PAQR5: variants seen among roughly 807,000 people sequenced by gnomAD.
PAQR5 encodes the protein membrane progestin receptor gamma.
Under a neutral mutation model 34.5 loss-of-function variants are expected in PAQR5, and 20 were observed. That is an observed-to-expected ratio of 0.58 (90% confidence interval 0.41 to 0.84). PAQR5 has a LOEUF of 0.84. PAQR5 is among the 40% of genes least tolerant of loss of function. The pLI is 0.00. For synonymous variants in PAQR5, 131 were observed against 155.6 expected, an observed-to-expected ratio of 0.84 and a Z score of 1.18; for missense variants, 378 against 412.7, an observed-to-expected ratio of 0.92 and a Z score of 0.73.
At chr15:69,346,326 G>A (rs146549608) in intron 2 of PAQR5, among the ~76,000 whole-genome samples, 328 of 19,000 alleles carry the variant, frequency 0.017, 5 homozygotes, top group African/African-American at 0.049. Context: ...TTTTTTTTGC[G>A]ACAGGGTCTC....
At chr15:69,402,371 G>T (rs2140276139) in intron 8 of PAQR5, among the ~76,000 whole-genome samples, 1 of 151,288 alleles carries the variant, frequency 6.6e-6, no homozygotes, top group Middle Eastern at 3.4e-3. Context: ...AGGCTGGAGT[G>T]CAGTGGCATG....
intron 2 of PAQR5, among the ~76,000 whole-genome samples, chr15:69,358,632 C>CTTTTTTTTTTTT (rs1567019143): frequency 2.1e-3 from 14 of 6,562 alleles, no homozygotes; most frequent in African/African-American, 5.6e-3. Context: ...AGCTCTGTGG[C>CTTTTTTTTTTTT]ATTTTTTTTT....
rs557125998 is a variant in PAQR5, at chr15:69,310,003, G to A, written c.-277+10947G>A. Reference sequence around the variant, plus strand: ...GTGGAGGTCACAGTGAGCTGAGATCGCTCCACTGCACTCCAGCCTGGGTGA... The same window carrying A: ...GTGGAGGTCACAGTGAGCTGAGATCACTCCACTGCACTCCAGCCTGGGTGA... On this transcript the variant is annotated intron_variant, in intron 1 of 8. Coordinates refer to ENST00000395407, the MANE Select transcript of PAQR5 (RefSeq NM_017705.4). 1.1e-3 allele frequency among the ~76,000 whole-genome samples: 161 copies of A among 151,776 alleles called. 5 individuals carry two copies. The South Asian group carries it at 0.03, about 28-fold the overall frequency.
intron 6 of PAQR5, among the ~76,000 whole-genome samples, chr15:69,394,113 TTTTTTG>T (rs1469634373): frequency 8.6e-5 from 13 of 151,162 alleles, no homozygotes; most frequent in African/African-American, 3.2e-4. Flanking sequence ...TTTTTTTTTG[TTTTTTG>T]TTTTTTTTTT....
At chr15:69,314,302 C>G (rs11631499) in intron 1 of PAQR5, 71,665 of 152,022 alleles carry the variant, frequency 0.47, 20,436 homozygotes, top group Middle Eastern at 0.63. Flanking sequence ...GCCCAGCTGC[C>G]CTTCTCCCTC....
At position 69,363,997 on chromosome 15, in the gene PAQR5, G is replaced by C. The variant is rs970890509; in HGVS notation, c.51+3866G>C. 3.3e-5 allele frequency among the ~76,000 whole-genome samples: 5 copies of C among 152,230 alleles called. No homozygotes were observed. In the East Asian group the frequency reaches 9.6e-4, roughly 29 times the overall value. On this transcript the variant is annotated intron_variant, in intron 3 of 8. Transcript: ENST00000395407. The stretch of plus-strand genomic sequence containing the variant: ...CTACACAGAGAGGAAAAGCAACGCC[G>C]TTTCCAGACTTGCACTGCAGCTCTG...
At chr15:69,394,559 CTT>C (rs1428515193) in intron 6 of PAQR5, among the ~76,000 whole-genome samples, 4 of 152,220 alleles carry the variant, frequency 2.6e-5, no homozygotes, top group Admixed American at 6.5e-5. Flanking sequence ...ATCCTTCCAG[CTT>C]TTTTGTCAGA....
intron 7 of PAQR5, 39 bp downstream of exon 7, chr15:69,397,603 C>A: frequency 7.6e-7 from 1 of 1,309,562 alleles, no homozygotes; most frequent in Non-Finnish European, 1.1e-6. Context: ...CTGTTGGCAA[C>A]ACCAGGAAGT....
intron 1 of PAQR5, among the ~76,000 whole-genome samples, 159 bp downstream of exon 1, chr15:69,299,215 G>A (rs949709943): frequency 1.3e-5 from 2 of 152,184 alleles, no homozygotes; most frequent in Non-Finnish European, 2.9e-5. Flanking sequence ...GTGCCGGGGC[G>A]GCCCTGATCC....
intron 3 of PAQR5, among the ~76,000 whole-genome samples, chr15:69,364,551 T>TATACATTATATATGTA (rs1288635889): frequency 6.7e-6 from 1 of 148,456 alleles, no homozygotes. Context: ...ATGTTATATA[T>TATACATTATATATGTA]ATATAACGAG....
intron 5 of PAQR5, among the ~76,000 whole-genome samples, chr15:69,388,943 C>T (rs1446505699): frequency 6.6e-6 from 1 of 152,230 alleles, no homozygotes; most frequent in Admixed American, 6.5e-5. Context: ...CACCTGGCCC[C>T]TTTGAAAAGG....
chr15:69,306,310 T>C (rs2053714049), intron 1 of PAQR5, among the ~76,000 whole-genome samples: 1 of 151,608 alleles, frequency 6.6e-6, no homozygotes, highest in Non-Finnish European at 1.5e-5. Context: ...TTACCTTTTG[T>C]TATTGCAGTA....
At chr15:69,305,394 G>C (rs2053691900) in intron 1 of PAQR5, among the ~76,000 whole-genome samples, 1 of 152,110 alleles carries the variant, frequency 6.6e-6, no homozygotes, top group Admixed American at 6.5e-5. Context: ...TGTGAATGAA[G>C]ACTCAACACG....
At chr15:69,340,700 C>T (rs993724786) in intron 2 of PAQR5, among the ~76,000 whole-genome samples, 1 of 152,150 alleles carries the variant, frequency 6.6e-6, no homozygotes, top group Non-Finnish European at 1.5e-5. Context: ...AGGACCCATG[C>T]ACATGTTCCC....
chr15:69,378,436 CAAAAAAAA>C (rs1235264927), intron 3 of PAQR5, among the ~76,000 whole-genome samples: 1 of 52,528 alleles, frequency 1.9e-5, no homozygotes, highest in Non-Finnish European at 3.0e-5. Flanking sequence ...GACCCTGTCT[CAAAAAAAA>C]AAAAAAAAAA....
intron 1 of PAQR5, among the ~76,000 whole-genome samples, chr15:69,332,784 A>G (rs2054415319): frequency 6.9e-6 from 1 of 145,378 alleles, no homozygotes; most frequent in Admixed American, 6.9e-5. Context: ...TCTTGTAAAA[A>G]AAAAAAAAAA....
chr15:69,400,256 A>T (rs2056583382), intron 8 of PAQR5, 141 bp downstream of exon 8: 2 of 836,992 alleles, frequency 2.4e-6, no homozygotes, highest in South Asian at 3.5e-5. Flanking sequence ...GCAAGTTGAC[A>T]GAGGTCAGGA....
At chr15:69,384,457 ATGGTGGAGGGTGAGTGGGCCCTCCGTGT>A (rs2056045463) in intron 4 of PAQR5, among the ~76,000 whole-genome samples, 192 bp from the exon 5 acceptor site, 4 of 27,986 alleles carry the variant, frequency 1.4e-4, no homozygotes, top group African/African-American at 3.0e-4. Flanking sequence ...CTCCGTGTTC[ATGGTGGAGGGTGAGTGGGCCCTCCGTGT>A]TCATGGTGGA....
intron 2 of PAQR5, 160 bp from the exon 3 acceptor site, chr15:69,359,806 A>G (rs1489879945): frequency 2.6e-6 from 1 of 382,134 alleles, no homozygotes. Context: ...CTTGGAGTGG[A>G]TGACTCAGCA....
Sources: gnomAD v4.1 joint callset for allele counts (sites outside exome capture counted in the v4.1 genomes callset) on GRCh38, gnomAD v4.1.1 for gene constraint, MANE v1.5 for transcripts, NCBI Gene and HGNC (gene_info 2026-07-23, HGNC 2026-07-21) for gene names.